The following TMEM232 variants were observed in gnomAD, a reference collection of about 807,000 sequenced individuals.
TMEM232 encodes the protein transmembrane protein 232.
Under a neutral mutation model 78.8 loss-of-function variants are expected in TMEM232, and 80 were observed. The observed-to-expected ratio is 1.01, with a 90% CI of 0.85 to 1.22. TMEM232 has a LOEUF of 1.22. Ranked by LOEUF, TMEM232 falls within the 50% of genes most tolerant of loss-of-function variation. The pLI is 0.00. For synonymous variants in TMEM232, 297 were observed against 254.3 expected (o/e 1.17, Z -1.60); for missense variants, 881 against 742.2 (o/e 1.19, Z -2.17).
At chr5:110,466,204 C>A (rs1326874613) in intron 12 of TMEM232, among the ~76,000 whole-genome samples, 2 of 152,118 alleles carry the variant, frequency 1.3e-5, no homozygotes, top group Non-Finnish European at 2.9e-5. Flanking sequence ...AAAGTGATAT[C>A]ACCACAGAAA....
At chr5:110,616,020 T>C (rs553802137) in intron 8 of TMEM232, among the ~76,000 whole-genome samples, 7 of 152,116 alleles carry the variant, frequency 4.6e-5, no homozygotes, top group Admixed American at 1.3e-4. Context: ...ACAGATTCAA[T>C]GCAATTCCTA....
chr5:110,576,100 G>A (rs1777545536), intron 10 of TMEM232, among the ~76,000 whole-genome samples: 1 of 152,050 alleles, frequency 6.6e-6, no homozygotes. Flanking sequence ...AACTATCTCT[G>A]TTTGCAGATG....
downstream of TMEM232, chr5:110,417,743 A>G (rs962949505): frequency 1.3e-5 from 2 of 151,808 alleles, no homozygotes; most frequent in South Asian, 2.1e-4. Context: ...AAGCCATACA[A>G]TGTTCATTTA....
chr5:110,730,378 T>C (rs1202969457), upstream of TMEM232, among the ~76,000 whole-genome samples: 2 of 152,246 alleles, frequency 1.3e-5, no homozygotes, highest in African/African-American at 4.8e-5. Flanking sequence ...AACAACTTTC[T>C]AGATGACAAT....
At chr5:110,625,048 G>A (rs1327248722) in intron 7 of TMEM232, among the ~76,000 whole-genome samples, 8 of 151,976 alleles carry the variant, frequency 5.3e-5, no homozygotes, top group Admixed American at 5.3e-4. Context: ...TAAAGTAGTA[G>A]AGTTATATAT....
intron 6 of TMEM232, among the ~76,000 whole-genome samples, chr5:110,626,660 C>T (rs1457082549): frequency 6.6e-6 from 1 of 152,026 alleles, no homozygotes; most frequent in Non-Finnish European, 1.5e-5. Flanking sequence ...AAATAGTTCA[C>T]AATTTTTGCC....
At chr5:110,496,150 G>A (rs1765617391) in intron 12 of TMEM232, among the ~76,000 whole-genome samples, 1 of 151,824 alleles carries the variant, frequency 6.6e-6, no homozygotes, top group Non-Finnish European at 1.5e-5. Flanking sequence ...CAATTATTGT[G>A]ATAGTTTTAT....
chr5:110,640,785 TTTC>T (rs1441874967), intron 4 of TMEM232, 103 bp downstream of exon 4: 3 of 663,302 alleles, frequency 4.5e-6, no homozygotes, highest in Non-Finnish European at 6.8e-6. Flanking sequence ...AGTAGAAAAA[TTTC>T]TTGTCTTCTG....
At chr5:110,602,484 A>G (rs1373983562) in intron 10 of TMEM232, among the ~76,000 whole-genome samples, 1 of 152,214 alleles carries the variant, frequency 6.6e-6, no homozygotes, top group Non-Finnish European at 1.5e-5. Flanking sequence ...GGCAAAGGAT[A>G]TGAACAGACA....
intron 12 of TMEM232, among the ~76,000 whole-genome samples, chr5:110,512,057 A>G (rs906610753): frequency 6.6e-6 from 1 of 152,104 alleles, no homozygotes; most frequent in Non-Finnish European, 1.5e-5. Context: ...ACACATCACT[A>G]TTCATAACAC....
intron 12 of TMEM232, among the ~76,000 whole-genome samples, chr5:110,524,444 GGAAAGAAAGAAAGAAAAA>G (rs1770251195): frequency 4.8e-5 from 7 of 146,184 alleles, no homozygotes; most frequent in African/African-American, 1.8e-4. Context: ...AGAAAAGAAA[GGAAAGAAAGAAAGAAAAA>G]GAAAGAAAGA....
chr5:110,688,655 A>G (rs1168514738), intron 1 of TMEM232, among the ~76,000 whole-genome samples: 1 of 152,198 alleles, frequency 6.6e-6, no homozygotes, highest in East Asian at 1.9e-4. Flanking sequence ...CAATACCCTG[A>G]GGTACCTCTC....
At chr5:110,580,182 T>C (rs944521978) in intron 10 of TMEM232, among the ~76,000 whole-genome samples, 1 of 151,724 alleles carries the variant, frequency 6.6e-6, no homozygotes, top group Non-Finnish European at 1.5e-5. Flanking sequence ...CACATAACAG[T>C]GTTTCAGTCA....
chr5:110,407,531 CCAA>C (rs1306682886), intron 2 of TMEM232, among the ~76,000 whole-genome samples: 1 of 151,946 alleles, frequency 6.6e-6, no homozygotes, highest in Admixed American at 6.6e-5. Context: ...ATATATAAAG[CCAA>C]CATTAATAGA....
chr5:110,516,460 C>T (rs1244379471), intron 12 of TMEM232, among the ~76,000 whole-genome samples: 1 of 152,098 alleles, frequency 6.6e-6, no homozygotes, highest in Admixed American at 6.5e-5. Context: ...GTTCTAAATT[C>T]TCAGCCTTAA....
chr5:110,402,045 T>C (rs527274985), intron 2 of TMEM232, among the ~76,000 whole-genome samples: 17 of 152,010 alleles, frequency 1.1e-4, no homozygotes, highest in Non-Finnish European at 2.4e-4. Flanking sequence ...CATGTCTCTA[T>C]CAGAGGTGGA....
chr5:110,661,307 T>G (rs1160077136), intron 2 of TMEM232, among the ~76,000 whole-genome samples: 1 of 152,134 alleles, frequency 6.6e-6, no homozygotes, highest in Non-Finnish European at 1.5e-5. Flanking sequence ...AGGACAGATA[T>G]CTCTTTTATT....
intron 3 of TMEM232, among the ~76,000 whole-genome samples, chr5:110,392,287 C>T (rs1197915308): frequency 1.3e-5 from 2 of 152,084 alleles, no homozygotes; most frequent in African/African-American, 2.4e-5. Flanking sequence ...TGAGTCAAAA[C>T]CTTGGTAAAA....
At position 110,545,852 on chromosome 5, in the gene TMEM232, C is replaced by T. The variant is rs372682855; in HGVS notation, c.1456-17017G>A. 7.9e-5 allele frequency among the ~76,000 whole-genome samples: 12 copies of T among 152,226 alleles called. 1 individual carries two copies. The highest frequency in any genetic ancestry group is 7.7e-4 in the East Asian group (4 of 5,182). Reference sequence around the variant, plus strand: ...CCAGATGGCAGAAAACACTTATACACGATGACTTTTCCTAGATGTGCCAGC... The same window carrying T: ...CCAGATGGCAGAAAACACTTATACATGATGACTTTTCCTAGATGTGCCAGC... On this transcript the variant is annotated intron_variant, in intron 11 of 13. Coordinates refer to ENST00000455884, the MANE Select transcript of TMEM232 (RefSeq NM_001039763.4).
Sources: allele counts gnomAD v4.1 joint callset (sites outside exome capture counted in the v4.1 genomes callset), GRCh38; gene constraint gnomAD v4.1.1; transcripts MANE v1.5; gene names NCBI Gene and HGNC (gene_info 2026-07-23, HGNC 2026-07-21).